Variants in RABGEF1 observed in about 807,000 individuals in gnomAD.
RABGEF1 encodes RAB guanine nucleotide exchange factor 1.
A neutral mutation model predicts 57.3 loss-of-function variants in RABGEF1; 26 were observed. The ratio of observed to expected loss-of-function variants is 0.45; its 90% CI spans 0.33 to 0.63. The LOEUF (loss-of-function observed/expected upper bound fraction) is 0.63, where lower values mean the gene tolerates loss of function less well. Among genes scored for constraint, RABGEF1 ranks in the 20% least tolerant of loss-of-function variants. The pLI is 0.02. For synonymous variants in RABGEF1, 185 were observed against 210.7 expected (o/e 0.88, Z 1.06); for missense variants, 464 against 607.6 (o/e 0.76, Z 2.48).
chr7:66,679,311 GT>G (rs1008201091), upstream of RABGEF1, among the ~76,000 whole-genome samples: 23 of 151,696 alleles, frequency 1.5e-4, no homozygotes, highest in East Asian at 7.8e-4. Flanking sequence ...CTTGGTTGCA[GT>G]TTTTTTTTCT....
Position 66,805,128 on chromosome 7 carries a change from T to C in RABGEF1, c.821-12T>C, listed in dbSNP as rs1179200257. 4 of 1,582,138 alleles carry C rather than the reference T, an allele frequency of 2.5e-6. No homozygotes were observed. The highest frequency in any genetic ancestry group is 2.7e-5 in the African/African-American group (2 of 74,240). On this transcript the variant is annotated splice_polypyrimidine_tract_variant and intron_variant, in intron 7 of 8. Transcript: ENST00000284957. ...TTTTCTCCTGGGAAATATTGTCTTT[T>C]CTGCTTTGTAGATATCATTGAAATG... is the stretch of plus-strand genomic sequence containing the variant.
At chr7:66,706,290 T>C (rs1393322160) in intron 1 of RABGEF1, among the ~76,000 whole-genome samples, 2 of 152,190 alleles carry the variant, frequency 1.3e-5, no homozygotes, top group African/African-American at 4.8e-5. Context: ...TTTTTATACA[T>C]GTCTTAGTAT....
chr7:66,729,321 A>C, intron 2 of RABGEF1, among the ~76,000 whole-genome samples: 2 of 15,036 alleles, frequency 1.3e-4, no homozygotes, highest in South Asian at 1.6e-3. Context: ...TTCGTTCCTC[A>C]TCTCCATCCT....
chr7:66,805,621 C>T lies in RABGEF1; in HGVS notation c.1077+225C>T, dbSNP rs376490894. On this transcript the variant is annotated intron_variant, in intron 8 of 8. Transcript: ENST00000284957. The stretch of plus-strand genomic sequence containing the variant: ...GTGTTTATCCTACGGAAACAGATGA[C>T]ATGTGTTGGGCATCACTCCCCACGG... 2.6e-5 allele frequency among the ~76,000 whole-genome samples: 4 copies of T among 152,362 alleles called. 1 individual carries two copies. Among genetic ancestry groups the T allele is most frequent in the Non-Finnish European group, 1.5e-5 (1 of 68,032 alleles).
the RABGEF1 span, among the ~76,000 whole-genome samples, chr7:66,662,503 T>C: frequency 1.3e-4 from 20 of 152,214 alleles, no homozygotes; most frequent in African/African-American, 4.1e-4. Context: ...CAGCTGAGGG[T>C]GTCTGAGGAG....
chr7:66,679,984 G>C (rs1789582616), upstream of RABGEF1, among the ~76,000 whole-genome samples: 1 of 152,182 alleles, frequency 6.6e-6, no homozygotes, highest in African/African-American at 2.4e-5. Flanking sequence ...GGAGGCAGGA[G>C]TGTGCTGAGA....
intron 1 of RABGEF1, among the ~76,000 whole-genome samples, chr7:66,771,668 A>G (rs1022520866): frequency 6.6e-6 from 1 of 151,914 alleles, no homozygotes; most frequent in African/African-American, 2.4e-5. Context: ...TGGGCAGGGA[A>G]TAAGTCTTTC....
intron 2 of RABGEF1, among the ~76,000 whole-genome samples, chr7:66,773,073 C>CAGAGGAG (rs1182886345): frequency 7.3e-6 from 1 of 137,442 alleles, no homozygotes; most frequent in Admixed American, 7.6e-5. Flanking sequence ...ACTCCTCTAG[C>CAGAGGAG]TAGTTGTTTG....
At chr7:66,670,579 T>G in the RABGEF1 span, among the ~76,000 whole-genome samples, 1 of 151,902 alleles carries the variant, frequency 6.6e-6, no homozygotes, top group African/African-American at 2.4e-5. Context: ...GCGCGGTGGC[T>G]CACACCTGTA....
chr7:66,724,464 A>G (rs900907029), intron 2 of RABGEF1, among the ~76,000 whole-genome samples: 13 of 152,126 alleles, frequency 8.5e-5, no homozygotes, highest in East Asian at 3.8e-4. Flanking sequence ...GGTTCAAGCA[A>G]TTCTCCTGCC....
At chr7:66,692,913 G>A (rs1052009975) in intron 1 of RABGEF1, among the ~76,000 whole-genome samples, 3 of 151,760 alleles carry the variant, frequency 2.0e-5, no homozygotes, top group African/African-American at 4.8e-5. Flanking sequence ...CAGGCTTGAG[G>A]GCTGAGGCAA....
chr7:66,760,916 A>C (rs985498919), intron 1 of RABGEF1, among the ~76,000 whole-genome samples: 1 of 152,116 alleles, frequency 6.6e-6, no homozygotes, highest in African/African-American at 2.4e-5. Flanking sequence ...GGCGTGAACC[A>C]TTGCACCTGG....
At chr7:66,741,667 T>TC (rs1798983599) in intron 1 of RABGEF1, among the ~76,000 whole-genome samples, 1 of 152,092 alleles carries the variant, frequency 6.6e-6, no homozygotes, top group South Asian at 2.1e-4. Flanking sequence ...AGAGCTGCTT[T>TC]CCCCCCTCTA....
chr7:66,730,056 A>G (rs1469106384), intron 2 of RABGEF1, among the ~76,000 whole-genome samples: 1 of 152,244 alleles, frequency 6.6e-6, no homozygotes, highest in East Asian at 1.9e-4. Flanking sequence ...CAGCTGTGCC[A>G]TAGACTCAGG....
chr7:66,783,581 C>T, intron 3 of RABGEF1, 94 bp from the exon 4 acceptor site: 1 of 1,100,500 alleles, frequency 9.1e-7, no homozygotes, highest in Non-Finnish European at 1.2e-6. Flanking sequence ...TTTGATGAAA[C>T]ATAATTTAAA....
At chr7:66,728,861 C>T (rs796254898) in intron 2 of RABGEF1, among the ~76,000 whole-genome samples, 40 of 2,496 alleles carry the variant, frequency 0.016, no homozygotes, top group Admixed American at 0.043. Context: ...TCTATCCTCA[C>T]CTCCACCTTC....
intron 7 of RABGEF1, among the ~76,000 whole-genome samples, chr7:66,801,709 T>C (rs1006415576): frequency 6.6e-6 from 1 of 152,208 alleles, no homozygotes; most frequent in Non-Finnish European, 1.5e-5. Context: ...TGCAAATGAC[T>C]GGATCCCATT....
At chr7:66,780,538 C>G (rs1809648322) in intron 3 of RABGEF1, among the ~76,000 whole-genome samples, 1 of 152,108 alleles carries the variant, frequency 6.6e-6, no homozygotes, top group African/African-American at 2.4e-5. Flanking sequence ...GTTGAGTGTT[C>G]TATCAGAGTC....
chr7:66,809,145 C>T lies in RABGEF1; in HGVS notation c.1337C>T (p.Ala446Val), dbSNP rs750214968. 6.2e-7 allele frequency: 1 copy of T among 1,614,150 alleles called. No homozygotes were observed. Among genetic ancestry groups the T allele is most frequent in the South Asian group, 1.1e-5 (1 of 91,074 alleles). The change falls in exon 9 of 9, where the codon GCA becomes GTA. Residue 446 changes from alanine to valine, a missense_variant. Around this residue, in one of 4 missense-constraint regions of RABGEF1, gnomAD observed 151 missense variants for 152.2 expected, o/e 0.99. Transcript: ENST00000284957. ...CTCATAGATTGGACAGATGGAATTGCAAGAGAAGTTCAAGACATCGTTGAG... is the reference window on the plus strand; with the variant it reads ...CTCATAGATTGGACAGATGGAATTGTAAGAGAAGTTCAAGACATCGTTGAG... ...KDLIDWTDGI[A>V]REVQDIVEKY...
Sources: allele counts gnomAD v4.1 joint callset (sites outside exome capture counted in the v4.1 genomes callset), GRCh38; gene constraint gnomAD v4.1.1; regional missense constraint gnomAD v4.1.1; transcripts MANE v1.5; gene names NCBI Gene and HGNC (gene_info 2026-07-23, HGNC 2026-07-21).